The following IGF2BP3 variants were observed in gnomAD, a reference collection of about 807,000 sequenced individuals.
IGF2BP3 encodes insulin-like growth factor 2 mRNA-binding protein 3.
Under a neutral mutation model 73.8 loss-of-function variants are expected in IGF2BP3, and 9 were observed. The ratio of observed to expected loss-of-function variants is 0.12; its 90% CI spans 0.07 to 0.21. IGF2BP3 has a LOEUF of 0.21. Ranked by LOEUF, IGF2BP3 falls within the 10% of genes least tolerant of loss-of-function variation. The pLI, the probability that IGF2BP3 is intolerant of heterozygous loss-of-function variation, is 1.00. For missense variants in IGF2BP3, 542 were observed against 714.0 expected (o/e 0.76, Z 2.75); for synonymous variants, 258 against 256.7 (o/e 1.01, Z -0.05).
In IGF2BP3 at chr7:23,341,755, TA is replaced by T. The variant is rs938204064; in HGVS notation, c.1203+308del. Among the ~76,000 whole-genome samples the T allele has an allele frequency of 4.5e-4, 60 of 133,920 alleles. 1 individual carries two copies. Among genetic ancestry groups the T allele is most frequent in the African/African-American group, 7.2e-4 (26 of 35,902 alleles). The allele number at this position is 133,920 out of a possible 152,430, so 87.9% of individuals were successfully genotyped here. On this transcript the variant is annotated intron_variant, in intron 10 of 14. Coordinates refer to ENST00000258729, the MANE Select transcript of IGF2BP3 (RefSeq NM_006547.3). Reference sequence around the variant, plus strand: ...TGCACATGTATCCGAGAACTTAGAATAAAAAAAAAAGAAAAAAGAAAAAAGA... The same window carrying T: ...TGCACATGTATCCGAGAACTTAGAATAAAAAAAAAGAAAAAAGAAAAAAGA...
intron 2 of IGF2BP3, 86 bp downstream of exon 2, chr7:23,468,396 C>G: frequency 1.5e-6 from 2 of 1,373,428 alleles, no homozygotes. Context: ...GGGGTAAGCA[C>G]CAGAGGACAA....
intron 3 of IGF2BP3, among the ~76,000 whole-genome samples, chr7:23,375,432 G>A (rs1171449428): frequency 6.6e-6 from 1 of 152,160 alleles, no homozygotes; most frequent in Non-Finnish European, 1.5e-5. Context: ...AACTAGGACA[G>A]CACTGACTGC....
chr7:23,360,454 T>G (rs993848489), intron 5 of IGF2BP3, among the ~76,000 whole-genome samples: 1 of 152,228 alleles, frequency 6.6e-6, no homozygotes, highest in Admixed American at 6.5e-5. Context: ...GTTTTCCACA[T>G]GGTTATCTCC....
intron 2 of IGF2BP3, among the ~76,000 whole-genome samples, chr7:23,434,791 A>G (rs1443240547): frequency 6.6e-6 from 1 of 152,206 alleles, no homozygotes; most frequent in East Asian, 1.9e-4. Context: ...CTAGTGAGAT[A>G]GAACAGGTAT....
At chr7:23,461,131 CG>C (rs1788443151) in intron 2 of IGF2BP3, among the ~76,000 whole-genome samples, 1 of 152,116 alleles carries the variant, frequency 6.6e-6, no homozygotes, top group South Asian at 2.1e-4. Flanking sequence ...ACATCACTCT[CG>C]GTGGTATTCT....
At chr7:23,366,794 T>C (rs1785386179) in intron 3 of IGF2BP3, among the ~76,000 whole-genome samples, 1 of 151,976 alleles carries the variant, frequency 6.6e-6, no homozygotes, top group African/African-American at 2.4e-5. Context: ...CTAATAAGAT[T>C]CCCAAATCTC....
intron 10 of IGF2BP3, among the ~76,000 whole-genome samples, chr7:23,337,655 T>G (rs568861154): frequency 1.3e-5 from 2 of 152,342 alleles, no homozygotes; most frequent in East Asian, 3.9e-4. Context: ...TGAAAAGCTA[T>G]CCTCAGGCAG....
intron 3 of IGF2BP3, among the ~76,000 whole-genome samples, chr7:23,382,747 A>C (rs1478267834): frequency 6.6e-6 from 1 of 152,014 alleles, no homozygotes; most frequent in East Asian, 1.9e-4. Flanking sequence ...TCAATACTTA[A>C]GCAAGGCTGG....
At position 23,342,116 on chromosome 7, in the gene IGF2BP3, G is replaced by A. The variant is rs890261339; in HGVS notation, c.1151C>T (p.Pro384Leu). ...GGCTGAAGGGGGCCCTGAGGTGGGA[G>A]GTGGCATCCCTGAAGTGGGTGGGAA... ...GLFPPTSGMP[P>L]PTSGPPSAMT... The change falls in exon 10 of 15, where the codon CCT becomes CTT. Residue 384 changes from proline (P) to leucine (L), a missense_variant. Around this residue, in one of 2 missense-constraint regions of IGF2BP3, gnomAD observed 303 missense variants for 472.1 expected, o/e 0.64. Transcript: ENST00000258729. 3 of 1,609,504 alleles carry A rather than the reference G, an allele frequency of 1.9e-6. No individual in the cohort carries two copies. Among genetic ancestry groups the A allele is most frequent in the African/African-American group, 2.7e-5 (2 of 74,618 alleles).
intron 3 of IGF2BP3, among the ~76,000 whole-genome samples, chr7:23,384,138 C>T (rs1013691894): frequency 6.7e-6 from 1 of 149,072 alleles, no homozygotes; most frequent in Non-Finnish European, 1.5e-5. Flanking sequence ...TGGATACAGG[C>T]AACAACATTG....
chr7:23,343,960 A>G, intron 8 of IGF2BP3, 107 bp from the exon 9 acceptor site: 1 of 1,074,850 alleles, frequency 9.3e-7, no homozygotes, highest in Non-Finnish European at 1.3e-6. Flanking sequence ...GCCTGGTAAT[A>G]TGTAAAAGTG....
intron 2 of IGF2BP3, among the ~76,000 whole-genome samples, chr7:23,461,596 T>C (rs1353093232): frequency 6.6e-6 from 1 of 152,196 alleles, no homozygotes; most frequent in African/African-American, 2.4e-5. Flanking sequence ...AGCTAATCCA[T>C]CAGCAAATCC....
chr7:23,438,778 C>T (rs1182520839), intron 2 of IGF2BP3, among the ~76,000 whole-genome samples: 3 of 152,134 alleles, frequency 2.0e-5, no homozygotes, highest in African/African-American at 7.2e-5. Context: ...AACTATGTCA[C>T]ACTTCCAGTT....
chr7:23,404,318 C>T (rs1786761119), intron 3 of IGF2BP3, among the ~76,000 whole-genome samples: 1 of 152,112 alleles, frequency 6.6e-6, no homozygotes, highest in Non-Finnish European at 1.5e-5. Context: ...AAATATAGGC[C>T]TTCTTTTAAA....
chr7:23,414,677 G>A (rs1353455898), intron 3 of IGF2BP3: 1 of 155,346 alleles, frequency 6.4e-6, no homozygotes, highest in Non-Finnish European at 1.4e-5. Flanking sequence ...GCCAGGTCTA[G>A]GACTATGGAC....
intron 10 of IGF2BP3, among the ~76,000 whole-genome samples, chr7:23,333,265 G>A (rs983368383): frequency 6.6e-6 from 1 of 152,182 alleles, no homozygotes; most frequent in East Asian, 1.9e-4. Context: ...ATGACTATGA[G>A]AGAAAAACTA....
intron 10 of IGF2BP3, among the ~76,000 whole-genome samples, chr7:23,322,141 C>G (rs112360334): frequency 5.5e-4 from 84 of 152,236 alleles, no homozygotes; most frequent in African/African-American, 2.0e-3. Context: ...GGAGGAAATT[C>G]AAACCAAAGG....
intron 2 of IGF2BP3, among the ~76,000 whole-genome samples, 176 bp from the exon 3 acceptor site, chr7:23,419,000 CAT>C (rs1297692007): frequency 1.3e-5 from 2 of 152,186 alleles, no homozygotes; most frequent in African/African-American, 4.8e-5. Context: ...TCATAAAATG[CAT>C]AGAGACCATT....
At chr7:23,423,431 TAG>T (rs1416899710) in intron 2 of IGF2BP3, among the ~76,000 whole-genome samples, 5 of 152,238 alleles carry the variant, frequency 3.3e-5, no homozygotes, top group Non-Finnish European at 5.9e-5. Flanking sequence ...CATATTTTAA[TAG>T]AGTGTTTCTA....
Sources: gnomAD v4.1 joint callset for allele counts (sites outside exome capture counted in the v4.1 genomes callset) on GRCh38, gnomAD v4.1.1 for gene constraint, gnomAD v4.1.1 regional missense constraint, MANE v1.5 for transcripts, NCBI Gene and HGNC (gene_info 2026-07-23, HGNC 2026-07-21) for gene names.